Variants in DPP4 observed in about 807,000 individuals in gnomAD.
The protein encoded by DPP4 is ADCP-2.
DPP4 carries 93 observed loss-of-function variants against 122.4 expected under a neutral mutation model. The ratio of observed to expected loss-of-function variants is 0.76; its 90% CI spans 0.64 to 0.90. The LOEUF (loss-of-function observed/expected upper bound fraction) is 0.90, where lower values mean the gene tolerates loss of function less well. Among genes scored for constraint, DPP4 ranks in the 40% least tolerant of loss-of-function variants. The probability of loss-of-function intolerance (pLI) is 0.00; values close to 1 mark genes in which losing one functional copy is unlikely to be tolerated. For synonymous variants in DPP4, 321 were observed against 302.9 expected, an observed-to-expected ratio of 1.06 and a Z score of -0.62; for missense variants, 914 against 907.3, an observed-to-expected ratio of 1.01 and a Z score of -0.09.
intron 2 of DPP4, among the ~76,000 whole-genome samples, chr2:162,063,273 T>A (rs1456148671): frequency 6.6e-6 from 1 of 152,180 alleles, no homozygotes; most frequent in Admixed American, 6.5e-5. Flanking sequence ...CAGTATGAGA[T>A]GCCAATATCA....
intron 2 of DPP4, 54 bp downstream of exon 2, chr2:162,073,345 G>A: frequency 1.9e-6 from 3 of 1,579,896 alleles, no homozygotes; most frequent in East Asian, 4.5e-5. Flanking sequence ...GTGGTAAGAC[G>A]GAGCCTGACC....
chr2:162,018,590 G>T, intron 16 of DPP4, 139 bp downstream of exon 16: 1 of 1,103,926 alleles, frequency 9.1e-7, no homozygotes, highest in Non-Finnish European at 1.3e-6. Flanking sequence ...GATTGTTTAT[G>T]CTCACTACTT....
chr2:162,014,862 G>A (rs1162087235), intron 18 of DPP4, among the ~76,000 whole-genome samples: 2 of 152,072 alleles, frequency 1.3e-5, no homozygotes. Context: ...CCTTGAAGCT[G>A]TTTAGGATTT....
chr2:161,999,082 G>A (rs1486597439), intron 23 of DPP4, among the ~76,000 whole-genome samples: 2 of 152,096 alleles, frequency 1.3e-5, no homozygotes, highest in Non-Finnish European at 2.9e-5. Context: ...CCACTTTAAG[G>A]CTCTCAGGCT....
chr2:162,009,186 GCT>G (rs1701355780), intron 21 of DPP4, 53 bp downstream of exon 21: 1 of 1,551,766 alleles, frequency 6.4e-7, no homozygotes, highest in Admixed American at 1.7e-5. Context: ...AAAGTAACCT[GCT>G]CTGAGTGATA....
chr2:162,033,506 G>T, intron 10 of DPP4, 35 bp downstream of exon 10: 1 of 1,544,370 alleles, frequency 6.5e-7, no homozygotes, highest in Non-Finnish European at 8.9e-7. Context: ...GTGTAAAACT[G>T]TTTACAAGCC....
At chr2:162,027,103 A>G (rs1409439275) in intron 10 of DPP4, among the ~76,000 whole-genome samples, 1 of 152,150 alleles carries the variant, frequency 6.6e-6, no homozygotes, top group Non-Finnish European at 1.5e-5. Flanking sequence ...GTTCCCAACC[A>G]CTTAAAAATG....
intron 23 of DPP4, among the ~76,000 whole-genome samples, chr2:162,005,442 A>T (rs943167621): frequency 2.0e-5 from 3 of 152,200 alleles, no homozygotes; most frequent in Non-Finnish European, 2.9e-5. Context: ...CTCTAAAGGA[A>T]TATGTTGAAT....
intron 14 of DPP4, 72 bp downstream of exon 14, chr2:162,020,157 C>T: frequency 2.3e-6 from 3 of 1,307,438 alleles, no homozygotes; most frequent in Non-Finnish European, 3.2e-6. Context: ...GAGATTTTTT[C>T]CCTACTTCTG....
intron 5 of DPP4, among the ~76,000 whole-genome samples, chr2:162,042,861 G>A (rs141182799): frequency 1.9e-3 from 282 of 152,294 alleles, no homozygotes; most frequent in Admixed American, 2.7e-3. Flanking sequence ...AAAATGTTGT[G>A]ATGAAACTAA....
In DPP4 at chr2:162,074,142, G is replaced by T. The variant is rs1004684546; in HGVS notation, c.-161C>A. On this transcript the variant is annotated 5_prime_UTR_variant, in exon 1 of 26. Coordinates refer to ENST00000360534, the MANE Select transcript of DPP4 (RefSeq NM_001935.4). ...TTAAACATTAGTGAGCGCCGAGCCC[G>T]CTGGGTATAAAGGCGCCGCGGGCAG... is the stretch of plus-strand genomic sequence containing the variant. 13 of 1,388,904 alleles carry T rather than the reference G, an allele frequency of 9.4e-6. No homozygotes were observed. The South Asian group carries it at 2.2e-4, about 23-fold the overall frequency. The allele number at this position is 1,388,904 out of a possible 1,614,324, so 86.0% of individuals were successfully genotyped here. A position where few individuals can be genotyped will look rare whatever the true frequency, so the allele number is the denominator to read the frequency against.
At chr2:162,059,613 T>C (rs914189079) in intron 2 of DPP4, among the ~76,000 whole-genome samples, 3 of 152,194 alleles carry the variant, frequency 2.0e-5, no homozygotes, top group Non-Finnish European at 4.4e-5. Context: ...TCTGCATTTA[T>C]GGAAACTGAA....
chr2:162,044,912 T>A (rs941022073), intron 5 of DPP4, among the ~76,000 whole-genome samples: 1 of 152,104 alleles, frequency 6.6e-6, no homozygotes, highest in East Asian at 1.9e-4. Context: ...TGCGGAATCT[T>A]TTCTGGAGGA....
At chr2:162,073,298 G>A (rs1324852622) in intron 2 of DPP4, 101 bp downstream of exon 2, 2 of 1,214,026 alleles carry the variant, frequency 1.6e-6, no homozygotes, top group East Asian at 2.4e-5. Flanking sequence ...TCGGGGCACT[G>A]GTCCAACCCC....
intron 2 of DPP4, among the ~76,000 whole-genome samples, chr2:162,066,185 T>C (rs917728760): frequency 3.3e-5 from 5 of 151,888 alleles, no homozygotes; most frequent in African/African-American, 4.8e-5. Context: ...ATCCTTACCT[T>C]CTCTCCTTCC....
In DPP4 at chr2:162,011,833, G is replaced by A. The variant is rs1157362695; in HGVS notation, c.1792C>T (p.Leu598=). Residue 598 remains leucine (L), a synonymous_variant, in exon 20 of 26, where the codon CTG becomes TTG. Transcript: ENST00000360534. ...DKIMHAINRR[L]GTFEVEDQIE... ...TGATCTTCAACTTCAAATGTTCCCAGTCTTCTGTTGATTGCATGCATGATC... is the reference window on the plus strand; with the variant it reads ...TGATCTTCAACTTCAAATGTTCCCAATCTTCTGTTGATTGCATGCATGATC... The A allele has an allele frequency of 6.8e-6, 11 of 1,613,476 alleles. No homozygotes were observed. Among genetic ancestry groups the A allele is most frequent in the African/African-American group, 4.0e-5 (3 of 74,848 alleles).
At chr2:162,046,492 A>G (rs1684177209) in intron 4 of DPP4, among the ~76,000 whole-genome samples, 1 of 152,148 alleles carries the variant, frequency 6.6e-6, no homozygotes. Flanking sequence ...TTAGCTTGGG[A>G]TTTTGAGTTT....
chr2:162,071,457 C>G (rs1299685209), intron 2 of DPP4, among the ~76,000 whole-genome samples: 3 of 152,104 alleles, frequency 2.0e-5, no homozygotes, highest in Admixed American at 6.5e-5. Context: ...TCCTGGCCAA[C>G]ATGGTAAAAC....
intron 2 of DPP4, among the ~76,000 whole-genome samples, chr2:162,066,278 T>A (rs1220701540): frequency 6.6e-6 from 1 of 151,696 alleles, no homozygotes; most frequent in Non-Finnish European, 1.5e-5. Flanking sequence ...TATTTTCACC[T>A]CCAGTGCTAC....
Sources: allele counts gnomAD v4.1 joint callset (sites outside exome capture counted in the v4.1 genomes callset), GRCh38; gene constraint gnomAD v4.1.1; transcripts MANE v1.5; gene names NCBI Gene and HGNC (gene_info 2026-07-23, HGNC 2026-07-21).